PARP10: variants seen among roughly 807,000 people sequenced by gnomAD.
The protein encoded by PARP10 is protein mono-ADP-ribosyltransferase PARP10.
PARP10 carries 56 observed loss-of-function variants against 82.4 expected under a neutral mutation model. The ratio of observed to expected loss-of-function variants is 0.68; its 90% CI spans 0.55 to 0.85. PARP10 has a LOEUF of 0.85. Among genes scored for constraint, PARP10 ranks in the 40% least tolerant of loss-of-function variants. PARP10 has a pLI of 0.00. For synonymous variants in PARP10, 576 were observed against 601.1 expected, an observed-to-expected ratio of 0.96 and a Z score of 0.61; for missense variants, 1,227 against 1,379.4, an observed-to-expected ratio of 0.89 and a Z score of 1.75.
intron 9 of PARP10, among the ~76,000 whole-genome samples, chr8:143,978,969 G>GTTTT (rs5895791): frequency 2.1e-5 from 3 of 144,810 alleles, no homozygotes; most frequent in African/African-American, 2.6e-5. Flanking sequence ...AACCCTGCAA[G>GTTTT]TTTTTTTTTT....
chr8:144,006,163 T>C (rs1564262022), intron 1 of PARP10, among the ~76,000 whole-genome samples: 1 of 152,180 alleles, frequency 6.6e-6, no homozygotes, highest in East Asian at 1.9e-4. Flanking sequence ...CTCCCACATG[T>C]CTGGCTGTTC....
chr8:143,997,634 A>G (rs1554751388), intron 1 of PARP10, among the ~76,000 whole-genome samples: 1 of 152,152 alleles, frequency 6.6e-6, no homozygotes, highest in African/African-American at 2.4e-5. Context: ...ACTTCTTTGA[A>G]GTTCTCTTTG....
At chr8:143,996,688 C>T (rs534148434) in intron 1 of PARP10, among the ~76,000 whole-genome samples, 178 of 152,294 alleles carry the variant, frequency 1.2e-3, no homozygotes, top group African/African-American at 4.0e-3. Context: ...GCCCAGAGGA[C>T]GCCATAATCT....
At chr8:143,998,063 G>C (rs1365292543) in intron 1 of PARP10, among the ~76,000 whole-genome samples, 1 of 152,052 alleles carries the variant, frequency 6.6e-6, no homozygotes, top group Non-Finnish European at 1.5e-5. Flanking sequence ...AAAGTGCTGG[G>C]ATTACAGATA....
At chr8:143,988,618 A>C (rs1472541136), upstream of PARP10, among the ~76,000 whole-genome samples, 7 of 151,602 alleles carry the variant, frequency 4.6e-5, no homozygotes, top group African/African-American at 1.7e-4. Context: ...GGTGCACACC[A>C]CCACGCCCAG....
At position 143,986,397 on chromosome 8, in the gene PARP10, A is replaced by G; in HGVS notation, c.-38T>C. ...CTAGGCAGCCTCAGGCCATGAGCTC[A>G]GCCAGGACTCCTGTGCCTGCCCCTC... On this transcript the variant is annotated 5_prime_UTR_variant, in exon 1 of 11. Transcript: ENST00000313028. 6.2e-7 allele frequency: 1 copy of G among 1,614,130 alleles called. No homozygotes were observed. Among genetic ancestry groups the G allele is most frequent in the Non-Finnish European group, 8.5e-7 (1 of 1,179,984 alleles).
rs781818372 is a variant in PARP10, at chr8:143,983,358, C to A, written c.2231G>T (p.Arg744Leu). The A allele has an allele frequency of 6.2e-6, 10 of 1,606,184 alleles. No individual in the cohort carries two copies. The South Asian group carries it at 1.1e-4, about 18-fold the overall frequency. The part of the protein sequence containing the change: ...VQEETVGPWR[R>L]TLPAELRARL... ...AGCACGCAGCTCTGCAGGCAGTGTG[C>A]GGCGCCAGGGCCCCACCGTCTCCTC... is the stretch of plus-strand genomic sequence containing the variant. Residue 744 changes from arginine to leucine, a missense_variant, in exon 8 of 11, where the codon CGC becomes CTC. Physicochemically the swap from Arg to Leu is moderately radical, Grantham distance 102. Transcript: ENST00000313028.
upstream of PARP10, chr8:143,986,749 A>C: frequency 3.0e-6 from 1 of 336,236 alleles, no homozygotes; most frequent in Non-Finnish European, 5.6e-6. Context: ...GCCCCACTAA[A>C]CCCACCAAGG....
chr8:143,979,608 G>A (rs1833798719), intron 9 of PARP10, among the ~76,000 whole-genome samples: 1 of 152,142 alleles, frequency 6.6e-6, no homozygotes, highest in Admixed American at 6.5e-5. Context: ...AATTGTAAAG[G>A]GCAATATAAA....
chr8:143,985,199 T>G lies in PARP10; in HGVS notation c.803A>C (p.Gln268Pro), dbSNP rs782144503. 6 of 1,614,096 alleles carry G rather than the reference T, an allele frequency of 3.7e-6. No individual in the cohort carries two copies. The South Asian group carries it at 6.6e-5, about 18-fold the overall frequency. The stretch of plus-strand genomic sequence containing the variant: ...AGCATGCTTGGTAGCCCTAGGCCCC[T>G]GGGTGGACGGGTGGTCCCCTCCACT... The part of the protein sequence containing the change: ...NTSGGDHPST[Q>P]GPRATKHALL... The change falls in exon 5 of 11, where the codon CAG becomes CCG. Residue 268 changes from glutamine to proline, a missense_variant. Physicochemically the swap from Gln to Pro is moderately conservative, Grantham distance 76. Transcript: ENST00000313028.
rs782406621 is a variant in PARP10 at position 143,985,594 on chromosome 8, A to G, written c.491T>C (p.Val164Ala). Reference protein sequence around the residue: ...AQNLGLEGTLVSLARVPQARA... With the variant: ...AQNLGLEGTLASLARVPQARA... ...GGCCTGGGGAACCCGGGCCAGGGACACCAAGGTCCCCTCCAGGCCCAGATT... is the reference window on the plus strand; with the variant it reads ...GGCCTGGGGAACCCGGGCCAGGGACGCCAAGGTCCCCTCCAGGCCCAGATT... Residue 164 changes from valine (V) to alanine (A), a missense_variant, in exon 4 of 11, where the codon GTG becomes GCG. Coordinates refer to ENST00000313028, the MANE Select transcript of PARP10 (RefSeq NM_032789.5). 1 of 1,613,956 alleles carries G rather than the reference A, an allele frequency of 6.2e-7. No homozygotes were observed. The highest frequency in any genetic ancestry group is 8.5e-7 in the Non-Finnish European group (1 of 1,179,990).
At chr8:143,989,162 C>T (rs1834048610), upstream of PARP10, among the ~76,000 whole-genome samples, 1 of 152,260 alleles carries the variant, frequency 6.6e-6, no homozygotes, top group Non-Finnish European at 1.5e-5. The surrounding 1 kb of genome is among the most constrained non-coding windows in gnomAD (Gnocchi z 4.3). Context: ...GCCGGCCCTC[C>T]AAGGGCGGGA....
upstream of PARP10, among the ~76,000 whole-genome samples, chr8:143,995,396 C>G (rs782643141): frequency 6.6e-6 from 1 of 152,204 alleles, no homozygotes. Context: ...AGGCTGGGCA[C>G]AGCCGAAGGC....
At chr8:143,983,091 T>A in intron 8 of PARP10, 26 bp from the exon 9 acceptor site, 1 of 1,613,108 alleles carries the variant, frequency 6.2e-7, no homozygotes, top group Non-Finnish European at 8.5e-7. Context: ...AAGCGGGGGG[T>A]CAGAGCCATG....
intron 1 of PARP10, among the ~76,000 whole-genome samples, chr8:144,006,140 G>C (rs1039893603): frequency 1.3e-5 from 2 of 152,210 alleles, no homozygotes; most frequent in African/African-American, 4.8e-5. Context: ...CAGAGCCAGA[G>C]AGAGAGCAAT....
At chr8:144,003,428 CAA>C (rs782496305) in intron 1 of PARP10, among the ~76,000 whole-genome samples, 172 of 56,092 alleles carry the variant, frequency 3.1e-3, no homozygotes, top group African/African-American at 8.7e-3. Flanking sequence ...AACTCTGTCT[CAA>C]AAAAAAAAAA....
intron 6 of PARP10, 21 bp from the exon 7 acceptor site, chr8:143,984,125 G>A: frequency 6.4e-7 from 1 of 1,559,922 alleles, no homozygotes; most frequent in Non-Finnish European, 8.7e-7. Flanking sequence ...AGGATGTCAG[G>A]ACCACTAGCC....
rs782469537 is a variant in PARP10 at position 143,983,711 on chromosome 8, T to C, written c.1878A>G (p.Pro626=). The C allele has an allele frequency of 1.2e-6, 2 of 1,610,016 alleles. No individual in the cohort carries two copies. The highest frequency in any genetic ancestry group is 2.2e-5 in the East Asian group (1 of 44,788). Residue 626 remains proline, a synonymous_variant, in exon 8 of 11, where the codon CCA becomes CCG. Transcript: ENST00000313028. ...ELEEEGPQEQ[P]EEEVTPGHEE... ...CATGCCCTGGGGTCACCTCCTCCTC[T>C]GGCTGCTCCTGAGGCCCTTCCTCCT...
intron 9 of PARP10, 58 bp downstream of exon 9, chr8:143,982,874 G>T: frequency 6.3e-7 from 1 of 1,595,710 alleles, no homozygotes; most frequent in South Asian, 1.1e-5. Context: ...TTGGCAAGGC[G>T]CTAATGGTGC....
Sources: gnomAD v4.1 joint callset for allele counts (sites outside exome capture counted in the v4.1 genomes callset) on GRCh38, gnomAD v4.1.1 for gene constraint, Gnocchi (gnomAD v3.1) non-coding constraint, MANE v1.5 for transcripts, NCBI Gene and HGNC (gene_info 2026-07-23, HGNC 2026-07-21) for gene names.